Variants in ARHGAP26 observed in about 807,000 individuals in gnomAD.
ARHGAP26 encodes the protein rho GTPase-activating protein 26.
Under a neutral mutation model 104.8 loss-of-function variants are expected in ARHGAP26, and 38 were observed. The ratio of observed to expected loss-of-function variants is 0.36; its 90% CI spans 0.28 to 0.48. The LOEUF (loss-of-function observed/expected upper bound fraction) is 0.48, where lower values mean the gene tolerates loss of function less well. Among genes scored for constraint, ARHGAP26 ranks in the 20% least tolerant of loss-of-function variants. The pLI is 0.99. For synonymous variants in ARHGAP26, 341 were observed against 340.0 expected (o/e 1.00, Z -0.03); for missense variants, 704 against 947.9 (o/e 0.74, Z 3.38).
intron 12 of ARHGAP26, chr5:143,014,538 A>G (rs1779334055): frequency 5.6e-6 from 1 of 178,992 alleles, no homozygotes; most frequent in Non-Finnish European, 1.2e-5. Flanking sequence ...TGGAGAGGCA[A>G]TAACTATGTT....
intron 20 of ARHGAP26, among the ~76,000 whole-genome samples, chr5:143,199,044 A>G (rs937283055): frequency 2.0e-5 from 3 of 152,218 alleles, no homozygotes; most frequent in Admixed American, 6.5e-5. Flanking sequence ...GCATTTCCCT[A>G]TTATTGTTAA....
intron 12 of ARHGAP26, among the ~76,000 whole-genome samples, chr5:143,029,476 C>A (rs1370987753): frequency 7.0e-6 from 1 of 143,184 alleles, no homozygotes; most frequent in Non-Finnish European, 1.5e-5. Context: ...ATGATCATAG[C>A]CCATTGTAAC....
At chr5:142,964,046 TG>T (rs1375238346) in intron 11 of ARHGAP26, among the ~76,000 whole-genome samples, 1 of 152,232 alleles carries the variant, frequency 6.6e-6, no homozygotes, top group Non-Finnish European at 1.5e-5. Flanking sequence ...TATGGTATTT[TG>T]ATGGACTTAG....
intron 20 of ARHGAP26, among the ~76,000 whole-genome samples, chr5:143,149,436 A>G (rs1212259450): frequency 6.6e-6 from 1 of 151,998 alleles, no homozygotes; most frequent in Admixed American, 6.6e-5. Context: ...AGTCCCCCAT[A>G]AGCTCTGCAG....
At chr5:143,185,854 C>A (rs139314433) in intron 20 of ARHGAP26, among the ~76,000 whole-genome samples, 94 of 152,320 alleles carry the variant, frequency 6.2e-4, no homozygotes, top group African/African-American at 2.3e-3. Context: ...CCACACTCTG[C>A]CTGCACTACC....
intron 11 of ARHGAP26, among the ~76,000 whole-genome samples, chr5:142,966,207 A>T (rs1251834812): frequency 6.6e-6 from 1 of 152,162 alleles, no homozygotes; most frequent in Non-Finnish European, 1.5e-5. Flanking sequence ...CGCATTTATA[A>T]CGTACTGTAG....
At chr5:143,055,892 A>G (rs944100867) in intron 15 of ARHGAP26, 136 bp from the exon 16 acceptor site, 5 of 595,874 alleles carry the variant, frequency 8.4e-6, no homozygotes, top group African/African-American at 1.9e-5. Flanking sequence ...CAATAGGGAA[A>G]CTACATTGTT....
At chr5:142,986,833 C>T (rs567224972) in intron 11 of ARHGAP26, among the ~76,000 whole-genome samples, 8 of 152,144 alleles carry the variant, frequency 5.3e-5, no homozygotes, top group African/African-American at 9.7e-5. Context: ...GGTATTATTT[C>T]TGAGGGCTCT....
chr5:143,175,339 A>T (rs1222951783), intron 20 of ARHGAP26, among the ~76,000 whole-genome samples: 2 of 152,224 alleles, frequency 1.3e-5, no homozygotes, highest in Non-Finnish European at 2.9e-5. Context: ...GTGCCTGCAG[A>T]TAGAGGACTG....
intron 16 of ARHGAP26, 40 bp downstream of exon 16, chr5:143,056,126 G>C: frequency 6.5e-7 from 1 of 1,545,546 alleles, no homozygotes; most frequent in Non-Finnish European, 8.9e-7. Context: ...GAAGAGAATA[G>C]ATTTTTCTAT....
At chr5:143,027,225 G>T (rs1477205636) in intron 12 of ARHGAP26, among the ~76,000 whole-genome samples, 2 of 150,038 alleles carry the variant, frequency 1.3e-5, no homozygotes, top group Non-Finnish European at 3.0e-5. Flanking sequence ...AGGCTAGAAT[G>T]CAGTGGTACA....
intron 17 of ARHGAP26, among the ~76,000 whole-genome samples, chr5:143,065,446 G>A (rs573545090): frequency 3.9e-5 from 6 of 152,280 alleles, no homozygotes; most frequent in South Asian, 4.1e-4. Context: ...AGACTTCTAC[G>A]TATATGAAGT....
In ARHGAP26 at chr5:143,228,671, A is replaced by G. The variant is rs1307780023; in HGVS notation, c.*6225A>G. On this transcript the variant is annotated 3_prime_UTR_variant, in exon 23 of 23. Transcript: ENST00000645722. ...GTGCTGTGTGATATAATATCAATAA[A>G]GTACTTATTAAATGGCACTTTAATG... is the stretch of plus-strand genomic sequence containing the variant. The G allele has an allele frequency of 4.8e-6, 1 of 207,822 alleles. No individual in the cohort carries two copies. Among genetic ancestry groups the G allele is most frequent in the Non-Finnish European group, 9.8e-6 (1 of 101,772 alleles). 12.9% of individuals were successfully genotyped at this position (207,822 alleles called of 1,614,324 possible). A position where few individuals can be genotyped will look rare whatever the true frequency, so the allele number is the denominator to read the frequency against.
At chr5:143,176,182 A>G (rs1803450038) in intron 20 of ARHGAP26, among the ~76,000 whole-genome samples, 1 of 152,196 alleles carries the variant, frequency 6.6e-6, no homozygotes, top group Non-Finnish European at 1.5e-5. Context: ...TGTCTTTATG[A>G]GATTTATGTC....
intron 11 of ARHGAP26, among the ~76,000 whole-genome samples, chr5:142,978,417 G>T (rs764889381): frequency 3.9e-5 from 6 of 152,200 alleles, no homozygotes; most frequent in Admixed American, 1.3e-4. Flanking sequence ...CATAGCCAGG[G>T]TTGGCTGGTG....
chr5:142,879,352 T>G, intron 3 of ARHGAP26, 22 bp from the exon 4 acceptor site: 1 of 1,610,170 alleles, frequency 6.2e-7, no homozygotes, highest in Non-Finnish European at 8.5e-7. Context: ...CTTCTTTCCC[T>G]TACTCTGTTG....
At chr5:142,844,374 A>G (rs1368593802) in intron 1 of ARHGAP26, among the ~76,000 whole-genome samples, 2 of 151,190 alleles carry the variant, frequency 1.3e-5, no homozygotes, top group East Asian at 1.9e-4. Flanking sequence ...TTTCTCAGAC[A>G]TTCTTGTTTT....
chr5:142,919,471 G>T, intron 10 of ARHGAP26: 1 of 398,228 alleles, frequency 2.5e-6, no homozygotes, highest in East Asian at 3.6e-5. Flanking sequence ...CTTTGTTACG[G>T]CAGCCCCAGG....
intron 1 of ARHGAP26, among the ~76,000 whole-genome samples, chr5:142,828,504 A>G (rs932642600): frequency 5.3e-5 from 8 of 152,234 alleles, no homozygotes; most frequent in South Asian, 2.1e-4. Flanking sequence ...AAACATGGAG[A>G]AGGAAATTAA....
Sources: allele counts gnomAD v4.1 joint callset (sites outside exome capture counted in the v4.1 genomes callset), GRCh38; gene constraint gnomAD v4.1.1; transcripts MANE v1.5; gene names NCBI Gene and HGNC (gene_info 2026-07-23, HGNC 2026-07-21).